Variants in PCDHGA7 observed in about 807,000 individuals in gnomAD.
PCDHGA7 encodes the protein protocadherin gamma subfamily A, 7, also known as protocadherin gamma-A7.
PCDHGA7 carries 44 observed loss-of-function variants against 58.3 expected under a neutral mutation model. The ratio of observed to expected loss-of-function variants is 0.75; its 90% CI spans 0.59 to 0.97. The LOEUF is 0.97. PCDHGA7 is among the 50% of genes least tolerant of loss of function. The pLI is 0.00. For missense variants in PCDHGA7, 1,266 were observed against 1,188.7 expected (o/e 1.06, Z -0.96); for synonymous variants, 516 against 504.2 (o/e 1.02, Z -0.31).
intron 1 of PCDHGA7, chr5:141,441,111 G>A (rs1457975305): frequency 1.3e-5 from 2 of 152,194 alleles, no homozygotes; most frequent in Non-Finnish European, 1.5e-5. Flanking sequence ...TCATTGTCCA[G>A]TGTACAGTTG....
In PCDHGA7 at chr5:141,384,445, G is replaced by A. The variant is rs182497799; in HGVS notation, c.1546G>A (p.Ala516Thr). 5.0e-6 allele frequency: 8 copies of A among 1,613,990 alleles called. 1 individual carries two copies. The African/African-American group carries it at 5.3e-5, about 11-fold the overall frequency. The part of the protein sequence containing the change: ...SINSDTGVLY[A>T]LQSFDYEQLR... ...AAACTCTGACACTGGAGTCCTGTAC[G>A]CGCTGCAATCCTTTGATTATGAGCA... Residue 516 changes from alanine to threonine, a missense_variant, in exon 1 of 4, where the codon GCG (alanine) becomes ACG (threonine). Transcript: ENST00000518325.
intron 1 of PCDHGA7, chr5:141,423,080 T>C: frequency 6.2e-7 from 1 of 1,614,050 alleles, no homozygotes; most frequent in East Asian, 2.2e-5. Flanking sequence ...CCGGGACTCT[T>C]CGCGGTGGGG....
chr5:141,424,799 A>G (rs552155487), intron 1 of PCDHGA7: 90 of 152,274 alleles, frequency 5.9e-4, no homozygotes, highest in African/African-American at 2.1e-3. Context: ...ATTCAGACCA[A>G]CTTGTTATTG....
At chr5:141,456,599 A>T (rs2098870253) in intron 1 of PCDHGA7, among the ~76,000 whole-genome samples, 1 of 152,174 alleles carries the variant, frequency 6.6e-6, no homozygotes, top group African/African-American at 2.4e-5. Flanking sequence ...TTTTGATTTG[A>T]TTTTTAAGTC....
intron 1 of PCDHGA7, chr5:141,418,573 C>T (rs749104686): frequency 6.2e-7 from 1 of 1,613,944 alleles, no homozygotes; most frequent in Non-Finnish European, 8.5e-7. Flanking sequence ...CCAATGACAA[C>T]CCCCCAGTGT....
rs747132868 is a variant in PCDHGA7 at position 141,431,424 on chromosome 5, G to C, written c.2424+46101G>C. ...GCCTCCGACGGGGGCGACCCGGTGC[G>C]CACAGGCACCGCGCGCATCCGCGTG... On this transcript the variant is annotated intron_variant, in intron 1 of 3. Coordinates refer to ENST00000518325, the MANE Select transcript of PCDHGA7 (RefSeq NM_018920.4). This position sits in a 1 kb window ranked among gnomAD's most constrained non-coding sequence, Gnocchi z 4.8. The C allele has an allele frequency of 6.2e-7, 1 of 1,613,558 alleles. No individual in the cohort carries two copies. The highest frequency in any genetic ancestry group is 1.1e-5 in the South Asian group (1 of 91,082).
rs1275109387 is a variant in PCDHGA7 at position 141,431,924 on chromosome 5, A to G, written c.2424+46601A>G. The G allele has an allele frequency of 1.1e-5, 17 of 1,614,050 alleles. No homozygotes were observed. Among genetic ancestry groups the G allele is most frequent in the Non-Finnish European group, 1.4e-5 (17 of 1,179,982 alleles). On this transcript the variant is annotated intron_variant, in intron 1 of 3. Coordinates refer to ENST00000518325, the MANE Select transcript of PCDHGA7 (RefSeq NM_018920.4). The surrounding 1 kb of genome is among the most constrained non-coding windows in gnomAD (Gnocchi z 4.8). ...ACAGGTGATCTGTTTCATCCAAGGA[A>G]ATCTGCCCTTTAAATTAGAAAAATC... is the stretch of plus-strand genomic sequence containing the variant.
intron 1 of PCDHGA7, chr5:141,418,511 G>A: frequency 5.6e-6 from 9 of 1,613,974 alleles, no homozygotes; most frequent in Non-Finnish European, 7.6e-6. Context: ...CTTAGATGGT[G>A]GGGACCCTCC....
At position 141,491,168 on chromosome 5, in the gene PCDHGA7, A is replaced by T. The variant is rs1293664414; in HGVS notation, c.2425-3639A>T. On this transcript the variant is annotated intron_variant, in intron 1 of 3. Transcript: ENST00000518325. This position sits in a 1 kb window ranked among gnomAD's most constrained non-coding sequence, Gnocchi z 6.9. ...CTGGAGGATGACTCTGACACCCAGC[A>T]GGTGGTGGTCCTGGTGAGGGACAAT... 3.1e-6 allele frequency: 5 copies of T among 1,614,160 alleles called. No individual in the cohort carries two copies. The highest frequency in any genetic ancestry group is 4.2e-6 in the Non-Finnish European group (5 of 1,179,988).
chr5:141,413,446 G>T, intron 1 of PCDHGA7: 4 of 1,614,130 alleles, frequency 2.5e-6, no homozygotes, highest in Non-Finnish European at 3.4e-6. Context: ...CTTGATCACC[G>T]CGGGCAGGAT....
At chr5:141,392,694 CCT>C in intron 1 of PCDHGA7, 4 of 1,186,390 alleles carry the variant, frequency 3.4e-6, no homozygotes, top group Non-Finnish European at 4.6e-6. Flanking sequence ...AAACCCGACC[CCT>C]GTTTGGAGGC....
At chr5:141,424,720 G>A (rs530298674) in intron 1 of PCDHGA7, 4 of 152,090 alleles carry the variant, frequency 2.6e-5, no homozygotes, top group Non-Finnish European at 4.4e-5. Flanking sequence ...GTGTAGTTGG[G>A]AGTCATAGAT....
Position 141,491,757 on chromosome 5 carries a change from C to G in PCDHGA7, c.2425-3050C>G. ...CTGGGGGCGGCACTGGAGAAGCCGC[C>G]CGTCCTCATAAGGGATTGAACTTGC... On this transcript the variant is annotated intron_variant, in intron 1 of 3. Coordinates refer to ENST00000518325, the MANE Select transcript of PCDHGA7 (RefSeq NM_018920.4). This position sits in a 1 kb window ranked among gnomAD's most constrained non-coding sequence, Gnocchi z 6.9. 1 of 1,580,374 alleles carries G rather than the reference C, an allele frequency of 6.3e-7. No individual in the cohort carries two copies. The highest frequency in any genetic ancestry group is 1.9e-5 in the Admixed American group (1 of 53,534).
intron 1 of PCDHGA7, among the ~76,000 whole-genome samples, chr5:141,386,783 C>A (rs1254282500): frequency 6.6e-6 from 1 of 152,150 alleles, no homozygotes; most frequent in Non-Finnish European, 1.5e-5. Context: ...AAAAGAAAAT[C>A]TCCTGACCAA....
At chr5:141,392,815 T>C (rs1361544072) in intron 1 of PCDHGA7, 8 of 1,586,560 alleles carry the variant, frequency 5.0e-6, no homozygotes, top group East Asian at 2.2e-5. Flanking sequence ...AAAACAACAA[T>C]GGCCGCTCCA....
intron 1 of PCDHGA7, chr5:141,423,903 AG>A: frequency 7.8e-7 from 1 of 1,276,130 alleles, no homozygotes. Context: ...TTGATTTCAA[AG>A]GGGCCATTCA....
Position 141,386,595 on chromosome 5 carries a change from A to AT in PCDHGA7, c.2424+1284dup, listed in dbSNP as rs373179212. On this transcript the variant is annotated intron_variant, in intron 1 of 3. Coordinates refer to ENST00000518325, the MANE Select transcript of PCDHGA7 (RefSeq NM_018920.4). ...CTCTGTACAATAGTGTGGGGGATAC[A>AT]TTTTTTTTTTTTGACATGGAGTCTC... Among the ~76,000 whole-genome samples, 373 of 146,122 alleles carry AT rather than the reference A, an allele frequency of 2.6e-3. 1 individual carries two copies. The highest frequency in any genetic ancestry group is 0.012 in the East Asian group (62 of 5,036).
At chr5:141,422,272 A>G in intron 1 of PCDHGA7, 1 of 1,561,362 alleles carries the variant, frequency 6.4e-7, no homozygotes, top group Non-Finnish European at 8.6e-7. Context: ...TCCAGAAATA[A>G]CTATCACCTC....
At chr5:141,494,759 C>G (rs776923097) in intron 1 of PCDHGA7, 48 bp from the exon 2 acceptor site, 2 of 1,613,886 alleles carry the variant, frequency 1.2e-6, no homozygotes, top group Middle Eastern at 1.6e-4. Flanking sequence ...GGGTGACATT[C>G]TAACTTCTCA....
Sources: allele counts gnomAD v4.1 joint callset (sites outside exome capture counted in the v4.1 genomes callset), GRCh38; gene constraint gnomAD v4.1.1; non-coding constraint Gnocchi (gnomAD v3.1); transcripts MANE v1.5; gene names NCBI Gene and HGNC (gene_info 2026-07-23, HGNC 2026-07-21).